STMN2: variants seen among roughly 807,000 people sequenced by gnomAD.
STMN2 encodes the protein stathmin 2, also known as stathmin-2.
In STMN2, 2 loss-of-function variants were observed where a neutral mutation model predicts 24.1. That is an observed-to-expected ratio of 0.08 (90% confidence interval 0.03 to 0.26). The LOEUF is 0.26. STMN2 is among the 10% of genes least tolerant of loss of function. The pLI, the probability that STMN2 is intolerant of heterozygous loss-of-function variation, is 1.00. For missense variants in STMN2, 114 were observed against 213.6 expected, an observed-to-expected ratio of 0.53 and a Z score of 2.91; for synonymous variants, 83 against 77.5, an observed-to-expected ratio of 1.07 and a Z score of -0.37.
At chr8:79,629,659 G>A (rs1040776914) in intron 1 of STMN2, among the ~76,000 whole-genome samples, 1 of 152,150 alleles carries the variant, frequency 6.6e-6, no homozygotes, top group Non-Finnish European at 1.5e-5. Context: ...TGCAGTTTTT[G>A]TGGCCTTTGC....
intron 3 of STMN2, among the ~76,000 whole-genome samples, chr8:79,647,090 C>G (rs538649529): frequency 6.6e-6 from 1 of 152,218 alleles, no homozygotes; most frequent in African/African-American, 2.4e-5. Context: ...CCACCTGGCC[C>G]ACGGGTTAGC....
chr8:79,645,890 T>C (rs1810206879), intron 3 of STMN2, among the ~76,000 whole-genome samples: 1 of 152,202 alleles, frequency 6.6e-6, no homozygotes, highest in Non-Finnish European at 1.5e-5. Flanking sequence ...AGTATATATA[T>C]GCATATGTAT....
rs1182475781 is a variant in STMN2, at chr8:79,636,842, G to A, written c.60G>A (p.Leu20=). The A allele has an allele frequency of 6.2e-7, 1 of 1,613,834 alleles. No individual in the cohort carries two copies. The highest frequency in any genetic ancestry group is 2.2e-5 in the East Asian group (1 of 44,864). ...TGAAGGAGCTGTCCATGCTGTCACT[G>A]ATCTGCTCTTGCTTTTACCCGGAAC... The part of the protein sequence containing the change: ...EKMKELSMLS[L]ICSCFYPEPR... The change falls in exon 2 of 5, where the codon CTG becomes CTA. Residue 20 remains leucine (L), a synonymous_variant. Transcript: ENST00000220876.
intron 1 of STMN2, among the ~76,000 whole-genome samples, chr8:79,633,978 A>G (rs1318145501): frequency 6.6e-6 from 1 of 152,204 alleles, no homozygotes; most frequent in Non-Finnish European, 1.5e-5. Context: ...CTAAAAATTC[A>G]CGTTCCGATA....
chr8:79,652,576 A>C (rs1194669273), intron 3 of STMN2, among the ~76,000 whole-genome samples: 1 of 152,040 alleles, frequency 6.6e-6, no homozygotes, highest in East Asian at 1.9e-4. Context: ...AAAATTTTGC[A>C]TTTGAGTTGT....
At chr8:79,639,365 A>T (rs1303990776) in intron 2 of STMN2, among the ~76,000 whole-genome samples, 1 of 152,240 alleles carries the variant, frequency 6.6e-6, no homozygotes, top group Non-Finnish European at 1.5e-5. Context: ...TGCACCACAG[A>T]GAATGGCCTA....
chr8:79,619,311 C>T (rs943319020), intron 1 of STMN2, among the ~76,000 whole-genome samples: 1 of 152,174 alleles, frequency 6.6e-6, no homozygotes, highest in Non-Finnish European at 1.5e-5. Flanking sequence ...AATACTTTTA[C>T]AAGAGAGCAT....
At chr8:79,654,337 T>C (rs1810400023) in intron 3 of STMN2, among the ~76,000 whole-genome samples, 2 of 146,894 alleles carry the variant, frequency 1.4e-5, no homozygotes, top group East Asian at 2.0e-4. Flanking sequence ...AAAGAGACTT[T>C]GGTGTATGGG....
At chr8:79,625,264 G>A (rs897668190) in intron 1 of STMN2, among the ~76,000 whole-genome samples, 1 of 151,894 alleles carries the variant, frequency 6.6e-6, no homozygotes, top group South Asian at 2.1e-4. Context: ...CTTCTTTTAG[G>A]CTAGAAACTT....
chr8:79,624,963 CAT>C, intron 1 of STMN2, among the ~76,000 whole-genome samples: 1 of 151,752 alleles, frequency 6.6e-6, no homozygotes, highest in Admixed American at 6.6e-5. Flanking sequence ...CTACAAGTCA[CAT>C]GTCCCACGCA....
intron 3 of STMN2, among the ~76,000 whole-genome samples, chr8:79,643,184 A>G (rs1015823681): frequency 1.1e-4 from 15 of 140,860 alleles, no homozygotes; most frequent in African/African-American, 3.8e-4. Context: ...ACTAGTTATC[A>G]TTGTTCTAGA....
chr8:79,619,617 T>C (rs1809464338), intron 1 of STMN2, among the ~76,000 whole-genome samples: 1 of 152,188 alleles, frequency 6.6e-6, no homozygotes, highest in South Asian at 2.1e-4. Flanking sequence ...TCAGGCACTT[T>C]TAGGATAGAC....
At chr8:79,623,157 G>T (rs914973535) in intron 1 of STMN2, among the ~76,000 whole-genome samples, 20 of 152,122 alleles carry the variant, frequency 1.3e-4, no homozygotes, top group Non-Finnish European at 2.5e-4. Flanking sequence ...AATACAAACA[G>T]AATATACCTT....
At chr8:79,639,490 T>A (rs965036732) in intron 2 of STMN2, among the ~76,000 whole-genome samples, 1 of 152,228 alleles carries the variant, frequency 6.6e-6, no homozygotes, top group African/African-American at 2.4e-5. Context: ...GAGGTTCTTT[T>A]AAAAATCATT....
intron 1 of STMN2, among the ~76,000 whole-genome samples, chr8:79,625,934 G>A (rs908751263): frequency 1.3e-5 from 2 of 152,064 alleles, no homozygotes; most frequent in Non-Finnish European, 2.9e-5. Flanking sequence ...ACTCCAGCCT[G>A]GGCAACAAGA....
At chr8:79,664,486 T>C (rs913306992) in intron 4 of STMN2, among the ~76,000 whole-genome samples, 2 of 152,216 alleles carry the variant, frequency 1.3e-5, no homozygotes, top group Non-Finnish European at 2.9e-5. Context: ...AACGACATCA[T>C]TAGAAATGAT....
chr8:79,657,703 C>G (rs763762354), intron 4 of STMN2, among the ~76,000 whole-genome samples: 49 of 152,102 alleles, frequency 3.2e-4, no homozygotes, highest in Non-Finnish European at 6.0e-4. Flanking sequence ...CAGTCAAGAT[C>G]TTTTATCTCC....
chr8:79,652,830 C>T lies in STMN2; in HGVS notation c.289-2041C>T, dbSNP rs1479573933. ...CAGAGAGAGAAACTTTAAATATTTA[C>T]ACACACACCTCTCTCCCTGTAACAA... On this transcript the variant is annotated intron_variant, in intron 3 of 4. Coordinates refer to ENST00000220876, the MANE Select transcript of STMN2 (RefSeq NM_007029.4). Among the ~76,000 whole-genome samples the T allele has an allele frequency of 5.3e-5, 8 of 151,984 alleles. No individual in the cohort carries two copies. The East Asian group carries it at 7.7e-4, about 15-fold the overall frequency.
intron 4 of STMN2, 118 bp from the exon 5 acceptor site, chr8:79,664,697 A>T: frequency 1.2e-6 from 1 of 836,756 alleles, no homozygotes; most frequent in Non-Finnish European, 1.7e-6. Flanking sequence ...TCCTTCTGAA[A>T]TGGGAAAAAT....
Sources: allele counts gnomAD v4.1 joint callset (sites outside exome capture counted in the v4.1 genomes callset), GRCh38; gene constraint gnomAD v4.1.1; transcripts MANE v1.5; gene names NCBI Gene and HGNC (gene_info 2026-07-23, HGNC 2026-07-21).